Variants in F13B observed in about 807,000 individuals in gnomAD.
F13B encodes the protein TGase.
A neutral mutation model predicts 79.8 loss-of-function variants in F13B; 58 were observed. That is an observed-to-expected ratio of 0.73 (90% CI 0.59 to 0.90). The LOEUF is 0.90. Among genes scored for constraint, F13B ranks in the 40% least tolerant of loss-of-function variants. The pLI, the probability that F13B is intolerant of heterozygous loss-of-function variation, is 0.00. For missense variants in F13B, 773 were observed against 777.0 expected, an observed-to-expected ratio of 0.99 and a Z score of 0.06; for synonymous variants, 283 against 260.3, an observed-to-expected ratio of 1.09 and a Z score of -0.84.
chr1:197,053,001 T>A (rs1483154617), intron 8 of F13B, among the ~76,000 whole-genome samples, 167 bp from the exon 9 acceptor site: 1 of 151,990 alleles, frequency 6.6e-6, no homozygotes, highest in Non-Finnish European at 1.5e-5. Flanking sequence ...ATATACTTTA[T>A]TACTATCAAA....
rs142562955 is a variant in F13B, at chr1:197,061,881, G to A, written c.354C>T (p.Cys118=). The A allele has an allele frequency of 1.6e-4, 264 of 1,612,866 alleles. 4 individuals carry two copies. Among genetic ancestry groups the A allele is most frequent in the East Asian group, 1.5e-3 (67 of 44,784 alleles). The change falls in exon 3 of 12, where the codon TGC becomes TGT. Residue 118 remains cysteine, a synonymous_variant. Coordinates refer to ENST00000367412, the MANE Select transcript of F13B (RefSeq NM_001994.3). ...CTCCAGTGGTTTTGTACCCTGAAGC[G>A]CAACCATAACGCATGTTCTCTTGAA... is the stretch of plus-strand genomic sequence containing the variant. ...YKIQENMRYG[C]ASGYKTTGGK...
chr1:197,039,444 G>C (rs1654956160), intron 11 of F13B, 33 bp from the exon 12 acceptor site: 1 of 1,574,560 alleles, frequency 6.4e-7, no homozygotes, highest in South Asian at 1.1e-5. Context: ...TTTGAAATAA[G>C]CATCAATTGC....
At chr1:197,065,337 G>A (rs1341793670) in intron 1 of F13B, among the ~76,000 whole-genome samples, 1 of 151,944 alleles carries the variant, frequency 6.6e-6, no homozygotes, top group African/African-American at 2.4e-5. Context: ...ATGAATTCCT[G>A]ACAAAAAATT....
intron 5 of F13B, among the ~76,000 whole-genome samples, chr1:197,057,820 C>T (rs1192466524): frequency 1.3e-5 from 2 of 152,150 alleles, no homozygotes; most frequent in Admixed American, 6.6e-5. Context: ...CAAAGCAGAA[C>T]GGCTGCAAGG....
intron 10 of F13B, among the ~76,000 whole-genome samples, chr1:197,049,166 T>C (rs952301968): frequency 7.1e-4 from 108 of 151,952 alleles, no homozygotes; most frequent in Middle Eastern, 3.4e-3. Context: ...AGAAAAAATA[T>C]AAATGCTGAA....
intron 8 of F13B, among the ~76,000 whole-genome samples, chr1:197,053,615 G>A (rs1655530452): frequency 6.6e-6 from 1 of 152,020 alleles, no homozygotes; most frequent in Non-Finnish European, 1.5e-5. Context: ...TTTATTAGCA[G>A]CATGAGAACA....
At chr1:197,039,490 T>C in intron 11 of F13B, 79 bp from the exon 12 acceptor site, 3 of 1,084,928 alleles carry the variant, frequency 2.8e-6, no homozygotes, top group Non-Finnish European at 4.2e-6. Flanking sequence ...CCTTTCAATT[T>C]TTCATATAAT....
At position 197,060,447 on chromosome 1, in the gene F13B, G is replaced by A. The variant is rs753244688; in HGVS notation, c.724C>T (p.His242Tyr). 1 of 1,610,446 alleles carries A rather than the reference G, an allele frequency of 6.2e-7. No individual in the cohort carries two copies. The highest frequency in any genetic ancestry group is 1.1e-5 in the South Asian group (1 of 90,702). Residue 242 changes from histidine to tyrosine, a missense_variant, in exon 5 of 12, where the codon CAT (histidine) becomes TAT (tyrosine). Coordinates refer to ENST00000367412, the MANE Select transcript of F13B (RefSeq NM_001994.3). ...GATCCACTTAGATAATAATTTTCATGACAGAAAAACTGAACGACATCTCCT... is the reference window on the plus strand; with the variant it reads ...GATCCACTTAGATAATAATTTTCATAACAGAAAAACTGAACGACATCTCCT... Reference protein sequence around the residue: ...EEGDVVQFFCHENYYLSGSDL... With the variant: ...EEGDVVQFFCYENYYLSGSDL...
At chr1:197,056,044 CA>C (rs1215984287) in intron 7 of F13B, 147 bp from the exon 8 acceptor site, 1 of 791,826 alleles carries the variant, frequency 1.3e-6, no homozygotes, top group Non-Finnish European at 2.0e-6. Context: ...TTTTTCAGCT[CA>C]AATATTTTTA....
At chr1:197,060,641 A>G (rs1477565558) in intron 4 of F13B, 99 bp from the exon 5 acceptor site, 4 of 898,378 alleles carry the variant, frequency 4.5e-6, no homozygotes, top group Admixed American at 2.8e-5. Context: ...TAGAAATTAA[A>G]TTTGCCAAAA....
chr1:197,041,040 CAA>C (rs1391658144), intron 10 of F13B, among the ~76,000 whole-genome samples: 3 of 151,988 alleles, frequency 2.0e-5, no homozygotes, highest in African/African-American at 7.2e-5. Flanking sequence ...AGCAAACAAA[CAA>C]AAAGGTATTT....
chr1:197,052,695 C>T lies in F13B; in HGVS notation c.1494G>A (p.Leu498=). Residue 498 remains leucine (L), a synonymous_variant, in exon 9 of 12, where the codon TTG becomes TTA. Coordinates refer to ENST00000367412, the MANE Select transcript of F13B (RefSeq NM_001994.3). ...QGYDLSPLTP[L]SELSVQCNRG... ...TGTTGCACTGCACAGATAATTCAGA[C>T]AATGGGGTTAATGGAGATAAGTCAT... 3 of 1,612,176 alleles carry T rather than the reference C, an allele frequency of 1.9e-6. No individual in the cohort carries two copies. Among genetic ancestry groups the T allele is most frequent in the South Asian group, 1.1e-5 (1 of 91,044 alleles).
At chr1:197,064,794 A>C (rs17514514) in intron 1 of F13B, among the ~76,000 whole-genome samples, 2,822 of 152,264 alleles carry the variant, frequency 0.019, 88 homozygotes, top group African/African-American at 0.064. Flanking sequence ...TCATAAAAAC[A>C]CTTAAAAGAA....
intron 5 of F13B, among the ~76,000 whole-genome samples, chr1:197,057,741 G>A (rs372277887): frequency 1.3e-5 from 2 of 151,928 alleles, no homozygotes; most frequent in Admixed American, 1.3e-4. Flanking sequence ...AGTTTTTAAC[G>A]CCATTCTTGC....
At chr1:197,059,592 A>G (rs574577528) in intron 5 of F13B, among the ~76,000 whole-genome samples, 1 of 152,182 alleles carries the variant, frequency 6.6e-6, no homozygotes, top group East Asian at 1.9e-4. Flanking sequence ...CTTAAGACCC[A>G]ACTTAAATAT....
chr1:197,061,669 G>A lies in F13B; in HGVS notation c.451+115C>T, dbSNP rs1655867398. On this transcript the variant is annotated intron_variant, in intron 3 of 11. Transcript: ENST00000367412. ...CAATGTAATATCAACTTCCTGCATTGTAGACATAATGAAAAATAAATTCTA... is the reference window on the plus strand; with the variant it reads ...CAATGTAATATCAACTTCCTGCATTATAGACATAATGAAAAATAAATTCTA... 3.4e-6 allele frequency: 3 copies of A among 882,938 alleles called. 1 individual carries two copies. In the South Asian group the frequency reaches 5.0e-5, roughly 15 times the overall value. The allele number at this position is 882,938 out of a possible 1,614,324, so 54.7% of individuals were successfully genotyped here. A position where few individuals can be genotyped will look rare whatever the true frequency, so the allele number is the denominator to read the frequency against.
In F13B at chr1:197,057,466, CT is replaced by C. The variant is rs1473681229; in HGVS notation, c.806-2del. ...GGAGGAGGACATCTGTTTCTTCTTC[CT>C]TATGGAAAAAATTAATCAGCACCTT... On this transcript the variant is annotated splice_acceptor_variant, in intron 5 of 11. Transcript: ENST00000367412. LOFTEE classifies it high-confidence loss of function. 55 of 1,613,354 alleles carry C rather than the reference CT, an allele frequency of 3.4e-5. No individual in the cohort carries two copies. The highest frequency in any genetic ancestry group is 4.7e-5 in the Non-Finnish European group (55 of 1,179,732).
At chr1:197,051,802 T>C (rs1454962764) in intron 9 of F13B, among the ~76,000 whole-genome samples, 2 of 152,214 alleles carry the variant, frequency 1.3e-5, no homozygotes, top group Non-Finnish European at 2.9e-5. Context: ...ATATGTTTGT[T>C]GGCCACATAA....
intron 10 of F13B, among the ~76,000 whole-genome samples, chr1:197,048,522 T>C (rs1006132404): frequency 6.6e-6 from 1 of 152,016 alleles, no homozygotes; most frequent in African/African-American, 2.4e-5. Context: ...AAAGCATTAC[T>C]ATATATGAAG....
Sources: allele counts gnomAD v4.1 joint callset (sites outside exome capture counted in the v4.1 genomes callset), GRCh38; gene constraint gnomAD v4.1.1; transcripts MANE v1.5; gene names NCBI Gene and HGNC (gene_info 2026-07-23, HGNC 2026-07-21).